ANXA8: variants seen among roughly 807,000 people sequenced by gnomAD.
The protein encoded by ANXA8 is VAC-beta.
In ANXA8, 9 loss-of-function variants were observed where a neutral mutation model predicts 26.8. The ratio of observed to expected loss-of-function variants is 0.34; its 90% confidence interval spans 0.20 to 0.59. ANXA8 has a LOEUF of 0.59. ANXA8 is among the 20% of genes least tolerant of loss of function. ANXA8 has a pLI of 0.84. For synonymous variants in ANXA8, 39 were observed against 94.8 expected (o/e 0.41, Z 3.42); for missense variants, 83 against 238.5 (o/e 0.35, Z 4.29).
the ANXA8 span, among the ~76,000 whole-genome samples, chr10:47,688,036 G>T: frequency 6.6e-6 from 1 of 151,646 alleles, no homozygotes; most frequent in South Asian, 2.1e-4. Flanking sequence ...GGAGACAGGA[G>T]GTTGTAGTGA....
chr10:47,650,675 C>T, the ANXA8 span, among the ~76,000 whole-genome samples: 309 of 143,920 alleles, frequency 2.1e-3, 1 homozygote, highest in African/African-American at 6.9e-3. Flanking sequence ...GGTGTAGTGG[C>T]GGGTGCCTGT....
At chr10:47,732,938 G>A in the ANXA8 span, among the ~76,000 whole-genome samples, 1 of 149,472 alleles carries the variant, frequency 6.7e-6, no homozygotes, top group African/African-American at 2.5e-5. Context: ...GATTAAATCT[G>A]TGTGGAATAC....
chr10:47,717,213 T>C, the ANXA8 span, among the ~76,000 whole-genome samples: 217 of 4,156 alleles, frequency 0.052, 2 homozygotes, highest in Non-Finnish European at 0.07. Context: ...GTGCTCCTCA[T>C]TAGCAAGCCA....
At chr10:47,923,205 CA>C in the ANXA8 span, 2 of 249,164 alleles carry the variant, frequency 8.0e-6, no homozygotes, top group South Asian at 4.7e-5. Context: ...GGCACCCCAG[CA>C]TTCCTGGCTT....
At chr10:47,727,474 G>GTTT in the ANXA8 span, among the ~76,000 whole-genome samples, 2 of 144,936 alleles carry the variant, frequency 1.4e-5, no homozygotes, top group East Asian at 2.0e-4. Context: ...TGTTTTTTGT[G>GTTT]TTTTTTTTTA....
chr10:47,493,593 G>T, the ANXA8 span, among the ~76,000 whole-genome samples: 1 of 150,360 alleles, frequency 6.7e-6, no homozygotes, highest in Admixed American at 6.6e-5. Flanking sequence ...CCACCCTAGG[G>T]TACTCTCCAC....
chr10:47,686,457 C>T, the ANXA8 span, among the ~76,000 whole-genome samples: 73 of 151,966 alleles, frequency 4.8e-4, no homozygotes, highest in African/African-American at 1.6e-3. Flanking sequence ...GGTGATCCAC[C>T]TGCCTCAGCC....
At chr10:47,691,630 G>T in the ANXA8 span, among the ~76,000 whole-genome samples, 1 of 150,646 alleles carries the variant, frequency 6.6e-6, no homozygotes, top group Non-Finnish European at 1.5e-5. Context: ...TAAGTTTTGC[G>T]TGCCTGTAGT....
At chr10:47,754,953 CTTTTCTTTTCT>C in the ANXA8 span, among the ~76,000 whole-genome samples, 1 of 27,904 alleles carries the variant, frequency 3.6e-5, no homozygotes, top group East Asian at 3.1e-3. Context: ...CTTTCTTTTT[CTTTTCTTTTCT>C]TTTTTTTTTT....
chr10:47,703,547 A>G, the ANXA8 span, among the ~76,000 whole-genome samples: 4 of 150,208 alleles, frequency 2.7e-5, no homozygotes, highest in Non-Finnish European at 3.0e-5. Flanking sequence ...CAGCCTGGGC[A>G]ACAGAGTGAG....
chr10:47,685,377 A>C, the ANXA8 span, among the ~76,000 whole-genome samples: 44 of 149,984 alleles, frequency 2.9e-4, no homozygotes, highest in Middle Eastern at 3.4e-3. Context: ...AGAAAAAAAA[A>C]CACAAAAAAA....
At chr10:47,573,185 C>A in the ANXA8 span, among the ~76,000 whole-genome samples, 1 of 148,188 alleles carries the variant, frequency 6.7e-6, no homozygotes, top group Admixed American at 6.7e-5. Flanking sequence ...GGTTTCACCA[C>A]GTTGGCCAGG....
chr10:47,757,061 G>A, the ANXA8 span: 1 of 119,630 alleles, frequency 8.4e-6, no homozygotes, highest in Non-Finnish European at 1.6e-5. Flanking sequence ...TGTCGACCGA[G>A]GGACAGCACG....
the ANXA8 span, chr10:47,751,004 A>G: frequency 9.7e-5 from 14 of 143,622 alleles, no homozygotes; most frequent in Admixed American, 4.9e-4. Flanking sequence ...ATTTGAGAGA[A>G]ATTTAACCTT....
At chr10:47,778,784 A>T in the ANXA8 span, among the ~76,000 whole-genome samples, 8 of 151,870 alleles carry the variant, frequency 5.3e-5, no homozygotes, top group Non-Finnish European at 1.2e-4. Context: ...CAAGCACTGT[A>T]CAGCATAATT....
chr10:47,655,757 A>T, the ANXA8 span, among the ~76,000 whole-genome samples: 20 of 152,018 alleles, frequency 1.3e-4, no homozygotes, highest in Non-Finnish European at 2.8e-4. Context: ...AAGGTGGCTC[A>T]TGCCTGTAAT....
At chr10:47,591,874 T>G in the ANXA8 span, among the ~76,000 whole-genome samples, 1 of 85,938 alleles carries the variant, frequency 1.2e-5, no homozygotes, top group Non-Finnish European at 2.2e-5. Context: ...GCACAGAAAG[T>G]AAAAAGGAAA....
chr10:47,733,203 T>TTCTCTCTCTCTC, the ANXA8 span, among the ~76,000 whole-genome samples: 2 of 107,782 alleles, frequency 1.9e-5, no homozygotes, highest in Admixed American at 9.7e-5. Flanking sequence ...CTTTCTTTCT[T>TTCTCTCTCTCTC]TCTTTCTTTC....
At chr10:47,743,245 CAT>C in the ANXA8 span, among the ~76,000 whole-genome samples, 10,336 of 92,190 alleles carry the variant, frequency 0.11, 107 homozygotes, top group African/African-American at 0.19. Context: ...CAACAGGCTT[CAT>C]ATATATATAT....
Sources: gnomAD v4.1 joint callset for allele counts (sites outside exome capture counted in the v4.1 genomes callset) on GRCh38, gnomAD v4.1.1 for gene constraint, MANE v1.5 for transcripts, NCBI Gene and HGNC (gene_info 2026-07-23, HGNC 2026-07-21) for gene names.